MCTP2: variants seen among roughly 807,000 people sequenced by gnomAD.
MCTP2 encodes multiple C2 and transmembrane domain-containing protein 2.
A neutral mutation model predicts 111.6 loss-of-function variants in MCTP2; 132 were observed. The observed-to-expected ratio is 1.18, with a 90% CI of 1.03 to 1.37. The LOEUF (loss-of-function observed/expected upper bound fraction) is 1.37. Ranked by LOEUF, MCTP2 falls within the 40% of genes most tolerant of loss-of-function variation. The pLI is 0.00. For missense variants in MCTP2, 1,183 were observed against 1,067.9 expected (o/e 1.11, Z -1.50); for synonymous variants, 395 against 387.7 (o/e 1.02, Z -0.22).
intron 10 of MCTP2, among the ~76,000 whole-genome samples, chr15:94,364,938 G>A (rs188726800): frequency 7.2e-5 from 11 of 152,268 alleles, no homozygotes; most frequent in African/African-American, 7.2e-5. Flanking sequence ...TCTGTCTCCC[G>A]TCTTTCCTCC....
At chr15:94,276,443 A>T (rs537670736) in intron 1 of MCTP2, among the ~76,000 whole-genome samples, 4 of 152,192 alleles carry the variant, frequency 2.6e-5, no homozygotes, top group African/African-American at 9.6e-5. Flanking sequence ...ACCTTTATGC[A>T]CAGGCAATTT....
chr15:94,390,121 T>TAC (rs1409424093), intron 14 of MCTP2, among the ~76,000 whole-genome samples: 3 of 133,210 alleles, frequency 2.3e-5, no homozygotes, highest in African/African-American at 6.5e-5. Flanking sequence ...TATGTATATA[T>TAC]ATATATATAT....
At chr15:94,339,168 C>A (rs2077510138) in intron 4 of MCTP2, 122 bp from the exon 5 acceptor site, 2 of 650,802 alleles carry the variant, frequency 3.1e-6, no homozygotes, top group African/African-American at 3.6e-5. Flanking sequence ...ATCTCCGAGC[C>A]CTTTAATCTC....
At chr15:94,344,136 T>C (rs2077826646) in intron 7 of MCTP2, 1 of 152,090 alleles carries the variant, frequency 6.6e-6, no homozygotes, top group Non-Finnish European at 1.5e-5. Flanking sequence ...AGGCTGAATG[T>C]TGAACTCCCA....
At chr15:94,358,654 C>T (rs1467026256) in intron 10 of MCTP2, 42 bp downstream of exon 10, 1 of 1,606,836 alleles carries the variant, frequency 6.2e-7, no homozygotes. Flanking sequence ...CATGTTTCTG[C>T]ATGGGGCTGG....
intron 11 of MCTP2, 71 bp downstream of exon 11, chr15:94,367,862 A>G: frequency 7.5e-7 from 1 of 1,333,890 alleles, no homozygotes; most frequent in Non-Finnish European, 1.0e-6. Context: ...CTTTATTGAA[A>G]CAAAGTCTCT....
chr15:94,390,849 T>A (rs1038180243), intron 14 of MCTP2, among the ~76,000 whole-genome samples: 3 of 150,924 alleles, frequency 2.0e-5, no homozygotes, highest in Admixed American at 1.3e-4. Flanking sequence ...CCTGCCTCAG[T>A]CTCCTGAATA....
intron 4 of MCTP2, among the ~76,000 whole-genome samples, chr15:94,330,627 C>A (rs1036853752): frequency 6.6e-6 from 1 of 151,992 alleles, no homozygotes; most frequent in Non-Finnish European, 1.5e-5. Context: ...TTACATGGGG[C>A]CCTCGTTTTT....
At chr15:94,278,929 GT>G (rs763944192) in intron 1 of MCTP2, among the ~76,000 whole-genome samples, 2 of 152,080 alleles carry the variant, frequency 1.3e-5, no homozygotes, top group Non-Finnish European at 2.9e-5. Context: ...TATTGTCGAA[GT>G]TTGTTGAAGA....
intron 1 of MCTP2, among the ~76,000 whole-genome samples, chr15:94,252,123 G>A (rs1426606681): frequency 2.0e-5 from 3 of 152,156 alleles, no homozygotes; most frequent in Non-Finnish European, 4.4e-5. Flanking sequence ...TTTCTTTTGG[G>A]CAGATACCCA....
intron 8 of MCTP2, among the ~76,000 whole-genome samples, chr15:94,348,948 A>G (rs745882939): frequency 1.3e-5 from 2 of 152,008 alleles, no homozygotes; most frequent in Non-Finnish European, 2.9e-5. Flanking sequence ...ACATTTATCT[A>G]TGTGCTTATT....
At chr15:94,455,634 T>C (rs2084777094) in intron 19 of MCTP2, among the ~76,000 whole-genome samples, 2 of 148,136 alleles carry the variant, frequency 1.4e-5, no homozygotes, top group Non-Finnish European at 2.9e-5. Flanking sequence ...ACCATGTTGG[T>C]CAGAATGGTC....
At chr15:94,380,688 A>G (rs1567575895) in intron 12 of MCTP2, among the ~76,000 whole-genome samples, 1 of 152,086 alleles carries the variant, frequency 6.6e-6, no homozygotes, top group Non-Finnish European at 1.5e-5. Context: ...GAATTGCTGG[A>G]ACCCAGGAGG....
At chr15:94,402,135 T>A (rs2081628578) in intron 17 of MCTP2, 116 bp downstream of exon 17, 2 of 1,384,304 alleles carry the variant, frequency 1.4e-6, no homozygotes, top group Middle Eastern at 4.2e-4. Flanking sequence ...AGACAGTACT[T>A]AGGTCAAATT....
At chr15:94,462,128 T>A (rs1010591807) in intron 20 of MCTP2, among the ~76,000 whole-genome samples, 14 of 152,196 alleles carry the variant, frequency 9.2e-5, no homozygotes, top group Admixed American at 7.8e-4. Context: ...AAGGAAATAA[T>A]CCCATTGACA....
At chr15:94,422,581 G>C (rs1267241295) in intron 17 of MCTP2, among the ~76,000 whole-genome samples, 3 of 152,058 alleles carry the variant, frequency 2.0e-5, no homozygotes, top group African/African-American at 4.8e-5. Context: ...AGGGTACCAT[G>C]TCACCTGATG....
intron 1 of MCTP2, among the ~76,000 whole-genome samples, chr15:94,247,859 A>G (rs566248325): frequency 1.3e-5 from 2 of 152,266 alleles, no homozygotes; most frequent in African/African-American, 4.8e-5. Context: ...TGTTAATAAA[A>G]CGAATCCTCT....
chr15:94,371,487 C>T (rs1157326505), intron 12 of MCTP2, among the ~76,000 whole-genome samples: 5 of 152,140 alleles, frequency 3.3e-5, no homozygotes, highest in Admixed American at 6.5e-5. Flanking sequence ...TAATTGTTTA[C>T]ATGCAGCGCT....
At chr15:94,437,775 T>C (rs2083560179) in intron 17 of MCTP2, among the ~76,000 whole-genome samples, 1 of 151,822 alleles carries the variant, frequency 6.6e-6, no homozygotes, top group Non-Finnish European at 1.5e-5. Flanking sequence ...TATAGGAAAA[T>C]ATATCAATGG....
Sources: gnomAD v4.1 joint callset for allele counts (sites outside exome capture counted in the v4.1 genomes callset) on GRCh38, gnomAD v4.1.1 for gene constraint, MANE v1.5 for transcripts, NCBI Gene and HGNC (gene_info 2026-07-23, HGNC 2026-07-21) for gene names.